The following NECTIN3 variants were observed in gnomAD, a reference collection of about 807,000 sequenced individuals.
NECTIN3 encodes nectin cell adhesion molecule 3.
In NECTIN3, 8 loss-of-function variants were observed where a neutral mutation model predicts 49.4. The observed-to-expected ratio is 0.16, with a 90% CI of 0.10 to 0.29. The LOEUF (loss-of-function observed/expected upper bound fraction) is 0.29, where lower values mean the gene tolerates loss of function less well. NECTIN3 is among the 10% of genes least tolerant of loss of function. The probability of loss-of-function intolerance (pLI) is 1.00; values close to 1 mark genes in which losing one functional copy is unlikely to be tolerated. For missense variants in NECTIN3, 581 were observed against 654.6 expected, an observed-to-expected ratio of 0.89 and a Z score of 1.23; for synonymous variants, 277 against 241.1, an observed-to-expected ratio of 1.15 and a Z score of -1.38.
chr3:111,120,848 C>G (rs1410101348), intron 3 of NECTIN3, among the ~76,000 whole-genome samples: 5 of 152,052 alleles, frequency 3.3e-5, no homozygotes, highest in Non-Finnish European at 5.9e-5. Flanking sequence ...TTTATATTCT[C>G]TCAGCATCCT....
In NECTIN3 at chr3:111,100,837, G is replaced by A. The variant is rs1014842459; in HGVS notation, c.161-11193G>A. On this transcript the variant is annotated intron_variant, in intron 1 of 5. Transcript: ENST00000485303. Reference sequence around the variant, plus strand: ...TCTGAATAATTGTTATGAAAACTCTGTCTCTGCATTTTGCTTGCATAGTGC... The same window carrying A: ...TCTGAATAATTGTTATGAAAACTCTATCTCTGCATTTTGCTTGCATAGTGC... Among the ~76,000 whole-genome samples, 10 of 151,508 alleles carry A rather than the reference G, an allele frequency of 6.6e-5. 1 individual carries two copies. The highest frequency in any genetic ancestry group is 5.9e-4 in the Admixed American group (9 of 15,238).
chr3:111,154,903 G>A (rs2035067695), intron 7 of NECTIN3, among the ~76,000 whole-genome samples: 1 of 151,942 alleles, frequency 6.6e-6, no homozygotes, highest in African/African-American at 2.4e-5. Context: ...TATATAATTA[G>A]ATATTTTCTC....
At chr3:111,126,461 A>G in intron 5 of NECTIN3, 126 bp downstream of exon 5, 4 of 781,332 alleles carry the variant, frequency 5.1e-6, no homozygotes, top group Middle Eastern at 3.8e-4. Flanking sequence ...AAGTTTTTCC[A>G]AATAATCTAA....
intron 2 of NECTIN3, among the ~76,000 whole-genome samples, chr3:111,114,071 A>G (rs1199373590): frequency 1.3e-5 from 2 of 152,294 alleles, no homozygotes; most frequent in African/African-American, 2.4e-5. Context: ...ATTTTGCTTT[A>G]AAGTTTAGTA....
intron 3 of NECTIN3, 80 bp from the exon 4 acceptor site, chr3:111,122,039 CTA>C: frequency 4.2e-6 from 4 of 961,464 alleles, no homozygotes; most frequent in Non-Finnish European, 6.4e-6. Context: ...AAGGCTTTGT[CTA>C]TTATCTTAAT....
chr3:111,086,479 T>C (rs2107378116), intron 1 of NECTIN3, among the ~76,000 whole-genome samples: 1 of 152,344 alleles, frequency 6.6e-6, no homozygotes, highest in East Asian at 1.9e-4. Context: ...TTCCTCCATT[T>C]ACTATTTAGT....
chr3:111,072,439 GGTGCTTCGTGCGCC>G, intron 1 of NECTIN3: 1 of 1,534,154 alleles, frequency 6.5e-7, no homozygotes, highest in Non-Finnish European at 8.7e-7. Flanking sequence ...GGTTGGCGAT[GGTGCTTCGTGCGCC>G]GAACTCCGGG....
At chr3:111,078,806 C>T (rs2031409369) in intron 1 of NECTIN3, among the ~76,000 whole-genome samples, 2 of 152,102 alleles carry the variant, frequency 1.3e-5, no homozygotes, top group South Asian at 4.1e-4. Flanking sequence ...GAGATGTTTG[C>T]AGAATTGACT....
chr3:111,193,619 T>C, intron 1 of NECTIN3: 1 of 498,652 alleles, frequency 2.0e-6, no homozygotes, highest in East Asian at 3.1e-5. Context: ...GTGATGATGG[T>C]ATTTAACTGC....
At chr3:111,111,951 AC>A in intron 1 of NECTIN3, 78 bp from the exon 2 acceptor site, 1 of 809,300 alleles carries the variant, frequency 1.2e-6, no homozygotes, top group Non-Finnish European at 2.0e-6. Context: ...AGATAGTTAC[AC>A]AGGGGGTCAG....
intron 7 of NECTIN3, among the ~76,000 whole-genome samples, chr3:111,163,669 A>G (rs2035263041): frequency 1.3e-5 from 2 of 152,218 alleles, no homozygotes; most frequent in African/African-American, 2.4e-5. Flanking sequence ...CTGCTGACCA[A>G]TGAAAGACTG....
chr3:111,151,989 T>C (rs1320565146), intron 7 of NECTIN3, among the ~76,000 whole-genome samples: 2 of 151,750 alleles, frequency 1.3e-5, no homozygotes, highest in Non-Finnish European at 3.0e-5. Context: ...TTTTAATTTA[T>C]TTCCCCCCTG....
At chr3:111,162,249 T>C (rs2035228463) in intron 7 of NECTIN3, among the ~76,000 whole-genome samples, 2 of 152,308 alleles carry the variant, frequency 1.3e-5, no homozygotes, top group Admixed American at 1.3e-4. Flanking sequence ...TTGGCACTTA[T>C]ATCATTGATA....
At chr3:111,102,602 T>C (rs1250169278) in intron 1 of NECTIN3, among the ~76,000 whole-genome samples, 2 of 152,250 alleles carry the variant, frequency 1.3e-5, no homozygotes, top group Non-Finnish European at 2.9e-5. Context: ...GCTTGTCTTT[T>C]TATTCTCTTT....
chr3:111,144,009 G>A (rs1007759944), intron 5 of NECTIN3, among the ~76,000 whole-genome samples: 5 of 151,890 alleles, frequency 3.3e-5, no homozygotes, highest in African/African-American at 7.2e-5. Flanking sequence ...TTAATATAGC[G>A]AAATTGTCAA....
At chr3:111,169,193 C>T (rs1007821273) in intron 7 of NECTIN3, among the ~76,000 whole-genome samples, 3 of 149,198 alleles carry the variant, frequency 2.0e-5, no homozygotes, top group Admixed American at 6.7e-5. Context: ...GGGTTCACGC[C>T]ATTCTCCTGC....
chr3:111,122,382 C>A, intron 4 of NECTIN3, 144 bp downstream of exon 4: 1 of 584,248 alleles, frequency 1.7e-6, no homozygotes, highest in Non-Finnish European at 2.9e-6. Context: ...TCCTTCCCCA[C>A]CTGTCCCCAC....
intron 7 of NECTIN3, among the ~76,000 whole-genome samples, chr3:111,167,821 C>A (rs568305936): frequency 6.6e-6 from 1 of 152,088 alleles, no homozygotes; most frequent in East Asian, 1.9e-4. Context: ...TGGGAAAAAT[C>A]CCCCTTTTCA....
At chr3:111,182,080 A>G (rs1161357224) in intron 7 of NECTIN3, among the ~76,000 whole-genome samples, 1 of 152,040 alleles carries the variant, frequency 6.6e-6, no homozygotes, top group Non-Finnish European at 1.5e-5. Flanking sequence ...TTTCTAGTTT[A>G]TCTTTTATTT....
Sources: allele counts gnomAD v4.1 joint callset (sites outside exome capture counted in the v4.1 genomes callset), GRCh38; gene constraint gnomAD v4.1.1; transcripts MANE v1.5; gene names NCBI Gene and HGNC (gene_info 2026-07-23, HGNC 2026-07-21).